Variants in DCSTAMP observed in about 807,000 individuals in gnomAD.
DCSTAMP encodes the protein dendrocyte expressed seven transmembrane protein, also known as dendritic cell-specific transmembrane protein.
Under a neutral mutation model 33.8 loss-of-function variants are expected in DCSTAMP, and 25 were observed. The observed-to-expected ratio is 0.74, with a 90% confidence interval of 0.54 to 1.03. DCSTAMP has a LOEUF of 1.03. Among genes scored for constraint, DCSTAMP ranks in the 50% least tolerant of loss-of-function variants. The pLI, the probability that DCSTAMP is intolerant of heterozygous loss-of-function variation, is 0.00. For missense variants in DCSTAMP, 531 were observed against 556.8 expected (o/e 0.95, Z 0.47); for synonymous variants, 245 against 216.7 (o/e 1.13, Z -1.15).
Position 104,354,859 on chromosome 8 carries a change from T to C in DCSTAMP, c.1030-18T>C. 6.5e-7 allele frequency: 1 copy of C among 1,528,030 alleles called. No individual in the cohort carries two copies. The highest frequency in any genetic ancestry group is 1.2e-5 in the South Asian group (1 of 84,058). The allele number at this position is 1,528,030 out of a possible 1,614,324, so 94.7% of individuals were successfully genotyped here. A position where few individuals can be genotyped will look rare whatever the true frequency, so the allele number is the denominator to read the frequency against. On this transcript the variant is annotated intron_variant, in intron 2 of 3. Coordinates refer to ENST00000297581, the MANE Select transcript of DCSTAMP (RefSeq NM_030788.4). ...CAAAAATGGCATGCATCATGATTAT[T>C]TTATTCTTTCATTTTAGAAACAAGG...
intron 1 of DCSTAMP, among the ~76,000 whole-genome samples, chr8:104,341,016 A>G (rs1372440139): frequency 1.3e-5 from 2 of 152,200 alleles, no homozygotes; most frequent in East Asian, 1.9e-4. Context: ...GTGTCACTTA[A>G]TGGGAATTGC....
chr8:104,342,672 G>A (rs1041271012), intron 1 of DCSTAMP, among the ~76,000 whole-genome samples: 3 of 152,190 alleles, frequency 2.0e-5, no homozygotes, highest in African/African-American at 7.2e-5. Context: ...AGTGCTGCCT[G>A]CAGGGGACAG....
chr8:104,342,576 C>T (rs1414533640), intron 1 of DCSTAMP, among the ~76,000 whole-genome samples: 1 of 152,228 alleles, frequency 6.6e-6, no homozygotes, highest in East Asian at 1.9e-4. Flanking sequence ...GGCCCACACC[C>T]CACACTCCCA....
rs375340773 is a variant in DCSTAMP at position 104,354,974 on chromosome 8, C to T, written c.1127C>T (p.Thr376Ile). The change falls in exon 3 of 4, where the codon ACC (threonine) becomes ATC (isoleucine). Residue 376 changes from threonine (T) to isoleucine (I), a missense_variant. Thr to Ile is a moderately conservative substitution (Grantham distance 89, BLOSUM62 -1). Coordinates refer to ENST00000297581, the MANE Select transcript of DCSTAMP (RefSeq NM_030788.4). ...AAACCAAAATTCCTTCTATCTGAGA[C>T]CTGGGTTCCTCTCAGTGTTATTCTT... Reference protein sequence around the residue: ...IPKPKFLLSETWVPLSVILLI... With the variant: ...IPKPKFLLSEIWVPLSVILLI... The T allele has an allele frequency of 3.2e-5, 52 of 1,613,612 alleles. No homozygotes were observed. Among genetic ancestry groups the T allele is most frequent in the Non-Finnish European group, 4.1e-5 (48 of 1,179,622 alleles).
chr8:104,346,203 AC>A (rs1810310739), intron 1 of DCSTAMP, among the ~76,000 whole-genome samples: 1 of 152,270 alleles, frequency 6.6e-6, no homozygotes, highest in African/African-American at 2.4e-5. Context: ...AAAAGTGCTT[AC>A]AATGTAATAG....
chr8:104,350,213 C>A (rs1412736166), intron 2 of DCSTAMP, among the ~76,000 whole-genome samples: 1 of 152,194 alleles, frequency 6.6e-6, no homozygotes, highest in Non-Finnish European at 1.5e-5. Context: ...CATCATCCAG[C>A]CTCCTACAGT....
intron 1 of DCSTAMP, 76 bp from the exon 2 acceptor site, chr8:104,348,465 C>G: frequency 6.9e-7 from 1 of 1,444,080 alleles, no homozygotes. Context: ...TGTAGTCAGT[C>G]TACCACCATG....
At chr8:104,350,300 G>A (rs1307339657) in intron 2 of DCSTAMP, among the ~76,000 whole-genome samples, 5 of 152,186 alleles carry the variant, frequency 3.3e-5, no homozygotes, top group Non-Finnish European at 5.9e-5. Flanking sequence ...ACTATCCGGC[G>A]TGAACCTAAG....
rs760938628 is a variant in DCSTAMP, at chr8:104,345,897, G to C, written c.-12-2644G>C. 2.0e-5 allele frequency among the ~76,000 whole-genome samples: 3 copies of C among 152,178 alleles called. 1 individual carries two copies. The highest frequency in any genetic ancestry group is 7.2e-5 in the African/African-American group (3 of 41,442). ...AAAAAGTGAGCAGATAATGGAAATG[G>C]GCTTGTGATATACAGGTCAGCTCTT... is the stretch of plus-strand genomic sequence containing the variant. On this transcript the variant is annotated intron_variant, in intron 1 of 3. Coordinates refer to ENST00000297581, the MANE Select transcript of DCSTAMP (RefSeq NM_030788.4).
At chr8:104,353,543 C>T (rs932946506) in intron 2 of DCSTAMP, among the ~76,000 whole-genome samples, 1 of 152,242 alleles carries the variant, frequency 6.6e-6, no homozygotes, top group African/African-American at 2.4e-5. Flanking sequence ...CATGTCTTTG[C>T]TCTGGGGACT....
chr8:104,342,348 CAG>C (rs2099383051), intron 1 of DCSTAMP, among the ~76,000 whole-genome samples: 1 of 152,210 alleles, frequency 6.6e-6, no homozygotes, highest in African/African-American at 2.4e-5. Flanking sequence ...AATCAGCCGT[CAG>C]AGTGTTTAAA....
At chr8:104,348,465 C>A in intron 1 of DCSTAMP, 76 bp from the exon 2 acceptor site, 1 of 1,444,078 alleles carries the variant, frequency 6.9e-7, no homozygotes, top group Non-Finnish European at 9.3e-7. Flanking sequence ...TGTAGTCAGT[C>A]TACCACCATG....
At chr8:104,346,640 G>A (rs1026235388) in intron 1 of DCSTAMP, among the ~76,000 whole-genome samples, 8 of 152,210 alleles carry the variant, frequency 5.3e-5, no homozygotes, top group Non-Finnish European at 2.9e-5. Context: ...ACATGGCAGT[G>A]ACCACTCTTC....
chr8:104,348,816 T>C lies in DCSTAMP; in HGVS notation c.264T>C (p.Ser88=), dbSNP rs1191169137. The change falls in exon 2 of 4, where the codon TCT becomes TCC. Residue 88 remains serine (S), a synonymous_variant. Coordinates refer to ENST00000297581, the MANE Select transcript of DCSTAMP (RefSeq NM_030788.4). The part of the protein sequence containing the change: ...ARCFILLVFL[S]CGLREGRNAL... ...GTTTTATTCTTCTTGTCTTTCTCTCTTGTGGCCTGCGTGAAGGCAGGAATG... is the reference window on the plus strand; with the variant it reads ...GTTTTATTCTTCTTGTCTTTCTCTCCTGTGGCCTGCGTGAAGGCAGGAATG... 5.6e-6 allele frequency: 9 copies of C among 1,614,088 alleles called. No individual in the cohort carries two copies. The highest frequency in any genetic ancestry group is 4.5e-5 in the East Asian group (2 of 44,898).
At chr8:104,342,949 G>T (rs2099383196) in intron 1 of DCSTAMP, among the ~76,000 whole-genome samples, 1 of 152,220 alleles carries the variant, frequency 6.6e-6, no homozygotes, top group Non-Finnish European at 1.5e-5. Context: ...CTGGGGAAAG[G>T]AGAGCTGCAG....
chr8:104,354,772 T>C (rs889864445), intron 2 of DCSTAMP, 105 bp from the exon 3 acceptor site: 48 of 718,544 alleles, frequency 6.7e-5, no homozygotes, highest in Non-Finnish European at 8.9e-5. Flanking sequence ...CAAAGCTCCC[T>C]GTATATTTGA....
chr8:104,342,045 C>T (rs932230868), intron 1 of DCSTAMP, among the ~76,000 whole-genome samples: 10 of 152,034 alleles, frequency 6.6e-5, no homozygotes, highest in East Asian at 1.9e-4. Context: ...CAGAAAAAAA[C>T]GATGGAGAGG....
At chr8:104,343,204 C>T (rs533120752) in intron 1 of DCSTAMP, among the ~76,000 whole-genome samples, 1 of 152,320 alleles carries the variant, frequency 6.6e-6, no homozygotes, top group African/African-American at 2.4e-5. Flanking sequence ...AAAATCCTGG[C>T]TCTTGCACTT....
rs1588379346 is a variant in DCSTAMP, at chr8:104,355,133, C to A, written c.1286C>A (p.Ser429Ter). Residue 429 changes from serine to a stop codon, truncating the protein, a stop_gained, in exon 3 of 4, where the codon TCA (serine) becomes TAA (stop). Transcript: ENST00000297581. LOFTEE classifies it high-confidence loss of function. The part of the protein sequence containing the change: ...YLHAKLLKKR[S>*]KQPLGEVKRR... ...CATGCAAAGCTGCTTAAAAAAAGATCAAAGCAGCCGCTGGGAGAAGTCAAA... is the reference window on the plus strand; with the variant it reads ...CATGCAAAGCTGCTTAAAAAAAGATAAAAGCAGCCGCTGGGAGAAGTCAAA... 1 of 1,614,056 alleles carries A rather than the reference C, an allele frequency of 6.2e-7. No homozygotes were observed. The highest frequency in any genetic ancestry group is 8.5e-7 in the Non-Finnish European group (1 of 1,180,014).
Sources: gnomAD v4.1 joint callset for allele counts (sites outside exome capture counted in the v4.1 genomes callset) on GRCh38, gnomAD v4.1.1 for gene constraint, MANE v1.5 for transcripts, NCBI Gene and HGNC (gene_info 2026-07-23, HGNC 2026-07-21) for gene names.